SPAG16: variants seen among roughly 807,000 people sequenced by gnomAD.
SPAG16 encodes the protein sperm-associated antigen 16 protein.
A neutral mutation model predicts 80.4 loss-of-function variants in SPAG16; 86 were observed. That is an observed-to-expected ratio of 1.07 (90% CI 0.90 to 1.28). The LOEUF is 1.28. Ranked by LOEUF, SPAG16 falls within the 50% of genes most tolerant of loss-of-function variation. The pLI, the probability that SPAG16 is intolerant of heterozygous loss-of-function variation, is 0.00. For missense variants in SPAG16, 870 were observed against 765.3 expected, an observed-to-expected ratio of 1.14 and a Z score of -1.61; for synonymous variants, 294 against 265.9, an observed-to-expected ratio of 1.11 and a Z score of -1.03.
chr2:213,534,267 T>A (rs1416714558), intron 10 of SPAG16, among the ~76,000 whole-genome samples: 1 of 152,118 alleles, frequency 6.6e-6, no homozygotes, highest in East Asian at 1.9e-4. Flanking sequence ...GTGTATTTTT[T>A]ATATATATAC....
intron 10 of SPAG16, among the ~76,000 whole-genome samples, chr2:213,657,887 G>A (rs1449809131): frequency 3.3e-5 from 5 of 152,202 alleles, no homozygotes; most frequent in South Asian, 2.1e-4. Context: ...ATAAAAAATC[G>A]AGAATGAGTC....
At chr2:213,851,519 A>G (rs1275417140) in intron 10 of SPAG16, among the ~76,000 whole-genome samples, 1 of 152,180 alleles carries the variant, frequency 6.6e-6, no homozygotes, top group East Asian at 1.9e-4. Context: ...AAATAAAAGT[A>G]AACTGATAAT....
At chr2:213,746,071 C>G (rs77803019) in intron 10 of SPAG16, among the ~76,000 whole-genome samples, 5,997 of 152,282 alleles carry the variant, frequency 0.039, 349 homozygotes, top group African/African-American at 0.13. Context: ...GATGCTTTGA[C>G]TTGTGGACGT....
intron 10 of SPAG16, among the ~76,000 whole-genome samples, chr2:213,812,080 G>C (rs2072193870): frequency 6.6e-6 from 1 of 152,162 alleles, no homozygotes; most frequent in Admixed American, 6.6e-5. Flanking sequence ...GATTCAGGCT[G>C]CCAGGAAGAC....
Position 213,797,936 on chromosome 2 carries a change from G to A in SPAG16, c.1071-64549G>A, listed in dbSNP as rs563261966. On this transcript the variant is annotated intron_variant, in intron 10 of 15. Coordinates refer to ENST00000331683, the MANE Select transcript of SPAG16 (RefSeq NM_024532.5). ...CCTATAGCATTTTGCATTCCTTTCA[G>A]CAATGTATGAGTGTTCCACCTTCTC... Among the ~76,000 whole-genome samples the A allele has an allele frequency of 2.0e-5, 3 of 152,260 alleles. No homozygotes were observed. In the East Asian group the frequency reaches 5.8e-4, roughly 29 times the overall value.
intron 12 of SPAG16, among the ~76,000 whole-genome samples, chr2:213,986,802 T>C (rs2046026713): frequency 6.8e-6 from 1 of 146,644 alleles, no homozygotes; most frequent in South Asian, 2.1e-4. Context: ...TATAGCACTT[T>C]AATAAAACAT....
intron 9 of SPAG16, among the ~76,000 whole-genome samples, chr2:213,429,952 A>G (rs1296161716): frequency 6.6e-6 from 1 of 152,262 alleles, no homozygotes; most frequent in African/African-American, 2.4e-5. Context: ...TGATACACAT[A>G]AAGAAACACA....
chr2:213,976,167 CAT>C (rs200086713), intron 12 of SPAG16, among the ~76,000 whole-genome samples: 43 of 133,734 alleles, frequency 3.2e-4, no homozygotes, highest in African/African-American at 9.3e-4. Context: ...TATGTATATA[CAT>C]ATATATACAT....
chr2:214,006,814 AGTGACT>A (rs2047045403), intron 12 of SPAG16, among the ~76,000 whole-genome samples: 1 of 152,170 alleles, frequency 6.6e-6, no homozygotes, highest in South Asian at 2.1e-4. Context: ...ACCTTAAGCC[AGTGACT>A]CACGAGCAGA....
At position 213,943,722 on chromosome 2, in the gene SPAG16, A is replaced by G. The variant is rs1185927246; in HGVS notation, c.1400+13577A>G. Among the ~76,000 whole-genome samples the G allele has an allele frequency of 5.9e-5, 9 of 152,364 alleles. 1 individual carries two copies. In the South Asian group the frequency reaches 1.7e-3, roughly 28 times the overall value. Reference sequence around the variant, plus strand: ...GAAGAGAAAGAAGGAATCATTAAGCAAAAAGGAACCAAAACTTAGAGATTT... The same window carrying G: ...GAAGAGAAAGAAGGAATCATTAAGCGAAAAGGAACCAAAACTTAGAGATTT... On this transcript the variant is annotated intron_variant, in intron 12 of 15. Transcript: ENST00000331683.
chr2:213,944,467 G>A (rs1403865992), intron 12 of SPAG16, among the ~76,000 whole-genome samples: 1 of 152,066 alleles, frequency 6.6e-6, no homozygotes, highest in African/African-American at 2.4e-5. Flanking sequence ...ACTTTATTTT[G>A]GAAGTACATA....
chr2:214,108,227 T>C lies in SPAG16; in HGVS notation c.1559T>C (p.Met520Thr), dbSNP rs766857388. Residue 520 changes from methionine (M) to threonine (T), a missense_variant, in exon 14 of 16, where the codon ATG becomes ACG. Met to Thr is a moderately conservative substitution (Grantham distance 81). Coordinates refer to ENST00000331683, the MANE Select transcript of SPAG16 (RefSeq NM_024532.5). Reference sequence around the variant, plus strand: ...TGTGAGCAGTCACTTTATGGTCACATGCATTCTATCAATGATGCCATTTTT... The same window carrying C: ...TGTGAGCAGTCACTTTATGGTCACACGCATTCTATCAATGATGCCATTTTT... ...GICEQSLYGH[M>T]HSINDAIFDP... is the part of the protein sequence containing the mutation. 6.2e-7 allele frequency: 1 copy of C among 1,602,818 alleles called. No individual in the cohort carries two copies. Among genetic ancestry groups the C allele is most frequent in the Non-Finnish European group, 8.5e-7 (1 of 1,171,736 alleles).
intron 11 of SPAG16, among the ~76,000 whole-genome samples, chr2:213,882,917 G>C (rs1184007942): frequency 2.6e-5 from 4 of 151,964 alleles, no homozygotes; most frequent in South Asian, 4.2e-4. Context: ...TCTTCTCCCA[G>C]GCTGGAGTGC....
intron 15 of SPAG16, among the ~76,000 whole-genome samples, chr2:214,328,900 A>T (rs1021395512): frequency 2.0e-5 from 3 of 152,140 alleles, no homozygotes; most frequent in African/African-American, 4.8e-5. Context: ...TGTATCATTT[A>T]TTTAGTGTAT....
chr2:213,732,991 C>T (rs1018950547), intron 10 of SPAG16, among the ~76,000 whole-genome samples: 4 of 152,196 alleles, frequency 2.6e-5, no homozygotes, highest in African/African-American at 4.8e-5. Flanking sequence ...TACACTCCCA[C>T]CAACAGTGTA....
chr2:213,520,254 C>T (rs571692626), intron 10 of SPAG16, among the ~76,000 whole-genome samples: 4 of 152,106 alleles, frequency 2.6e-5, no homozygotes, highest in South Asian at 2.1e-4. Context: ...ATGCTGTGCT[C>T]GTACCTTGAT....
At position 214,172,719 on chromosome 2, in the gene SPAG16, A is replaced by T. The variant is rs1325956103; in HGVS notation, c.1720+23453A>T. ...TGAACTAGTTTACAGTCCCACCAAC[A>T]GTGTAAAAGTGTTCCTATTTCTCCA... On this transcript the variant is annotated intron_variant, in intron 15 of 15. Coordinates refer to ENST00000331683, the MANE Select transcript of SPAG16 (RefSeq NM_024532.5). 9.9e-5 allele frequency among the ~76,000 whole-genome samples: 15 copies of T among 152,168 alleles called. No homozygotes were observed. In the East Asian group the frequency reaches 2.1e-3, roughly 22 times the overall value.
intron 11 of SPAG16, among the ~76,000 whole-genome samples, chr2:213,904,600 CAA>C (rs34952255): frequency 0.07 from 6,313 of 89,658 alleles, 104 homozygotes; most frequent in East Asian, 0.099. Flanking sequence ...ATAAATTTTG[CAA>C]AAAAAAAAAA....
intron 9 of SPAG16, among the ~76,000 whole-genome samples, chr2:213,401,106 G>T (rs2068286487): frequency 6.6e-6 from 1 of 152,204 alleles, no homozygotes; most frequent in Non-Finnish European, 1.5e-5. Flanking sequence ...ACTGCACCCA[G>T]CTGTTTCCTG....
Sources: gnomAD v4.1 joint callset for allele counts (sites outside exome capture counted in the v4.1 genomes callset) on GRCh38, gnomAD v4.1.1 for gene constraint, MANE v1.5 for transcripts, NCBI Gene and HGNC (gene_info 2026-07-23, HGNC 2026-07-21) for gene names.